Variants in NUP210L observed in about 807,000 individuals in gnomAD.
The protein encoded by NUP210L is nucleoporin 210 like, also known as nuclear pore membrane glycoprotein 210-like.
In NUP210L, 74 loss-of-function variants were observed where a neutral mutation model predicts 208.5. The observed-to-expected ratio is 0.35, with a 90% CI of 0.29 to 0.43. The LOEUF (loss-of-function observed/expected upper bound fraction) is 0.43, where lower values mean the gene tolerates loss of function less well. NUP210L is among the 20% of genes least tolerant of loss of function. The probability of loss-of-function intolerance (pLI) is 1.00; values close to 1 mark genes in which losing one functional copy is unlikely to be tolerated. For synonymous variants in NUP210L, 780 were observed against 816.9 expected (o/e 0.95, Z 0.77); for missense variants, 1,843 against 2,289.4 (o/e 0.81, Z 3.98).
At chr1:154,026,138 G>C (rs1651865340) in intron 29 of NUP210L, among the ~76,000 whole-genome samples, 1 of 151,954 alleles carries the variant, frequency 6.6e-6, no homozygotes, top group African/African-American at 2.4e-5. Flanking sequence ...GGGAGGCTGA[G>C]GCAGGAGAAT....
intron 7 of NUP210L, among the ~76,000 whole-genome samples, chr1:154,132,588 A>G (rs1018794728): frequency 3.3e-5 from 5 of 152,202 alleles, no homozygotes; most frequent in Admixed American, 1.3e-4. Context: ...AAATAAACAG[A>G]CAAATACAAT....
At chr1:154,109,895 G>A (rs886750585) in intron 12 of NUP210L, among the ~76,000 whole-genome samples, 5 of 151,252 alleles carry the variant, frequency 3.3e-5, no homozygotes, top group Non-Finnish European at 5.9e-5. Context: ...GAGATACAGT[G>A]AAAGCAGTAC....
chr1:154,055,920 G>A (rs931543089), intron 23 of NUP210L, among the ~76,000 whole-genome samples: 14 of 151,984 alleles, frequency 9.2e-5, no homozygotes, highest in Admixed American at 2.0e-4. Flanking sequence ...CTGGGCTGGC[G>A]CAGTGTCTCA....
intron 4 of NUP210L, among the ~76,000 whole-genome samples, chr1:154,140,589 C>A (rs1016284689): frequency 1.3e-5 from 2 of 149,886 alleles, no homozygotes; most frequent in African/African-American, 2.4e-5. Flanking sequence ...ATCGCTTGAA[C>A]CCAGGAGGTG....
chr1:154,016,999 TG>T (rs1197855876), intron 33 of NUP210L, among the ~76,000 whole-genome samples: 1 of 150,760 alleles, frequency 6.6e-6, no homozygotes, highest in Non-Finnish European at 1.5e-5. Flanking sequence ...CAAAAAAGCC[TG>T]GGCGCAGTGG....
intron 25 of NUP210L, among the ~76,000 whole-genome samples, chr1:154,048,819 A>G (rs1653325344): frequency 6.6e-6 from 1 of 152,220 alleles, no homozygotes; most frequent in Non-Finnish European, 1.5e-5. Flanking sequence ...AAGTACATAC[A>G]GGAGTCCTTG....
At chr1:154,040,983 G>C (rs1237836772) in intron 27 of NUP210L, among the ~76,000 whole-genome samples, 1 of 151,800 alleles carries the variant, frequency 6.6e-6, no homozygotes, top group Non-Finnish European at 1.5e-5. Flanking sequence ...CTTTTTTTGA[G>C]AGACAGGGTC....
chr1:154,024,856 C>CTCCTCCGA (rs1342440558), intron 30 of NUP210L, among the ~76,000 whole-genome samples: 1 of 150,100 alleles, frequency 6.7e-6, no homozygotes, highest in East Asian at 2.0e-4. Context: ...TCATTCTACA[C>CTCCTCCGA]TCCTCCGATA....
chr1:154,097,913 T>C (rs1173779405), intron 14 of NUP210L, among the ~76,000 whole-genome samples: 1 of 152,230 alleles, frequency 6.6e-6, no homozygotes, highest in Non-Finnish European at 1.5e-5. Flanking sequence ...TGGTGGCACC[T>C]TTGCCCAAGT....
At chr1:154,033,315 C>T (rs1652360230) in intron 27 of NUP210L, among the ~76,000 whole-genome samples, 1 of 152,122 alleles carries the variant, frequency 6.6e-6, no homozygotes, top group African/African-American at 2.4e-5. Flanking sequence ...CTCAAGAAAT[C>T]TTTGCCCAGT....
rs368916703 is a variant in NUP210L at position 154,091,071 on chromosome 1, G to GTTGTTATTA, written c.2188-1478_2188-1477insTAATAACAA. 7.8e-5 allele frequency among the ~76,000 whole-genome samples: 11 copies of GTTGTTATTA among 140,818 alleles called. 1 individual carries two copies. Among genetic ancestry groups the GTTGTTATTA allele is most frequent in the Admixed American group, 2.2e-4 (3 of 13,734 alleles). 92.4% of individuals were successfully genotyped at this position (140,818 alleles called of 152,430 possible). Reference sequence around the variant, plus strand: ...TGACAGCATTATTATTATTATTGCTGTTATTATTATTATTATTATTATTAT... The same window carrying GTTGTTATTA: ...TGACAGCATTATTATTATTATTGCTGTTGTTATTATTATTATTATTATTATTATTATTAT... On this transcript the variant is annotated intron_variant, in intron 15 of 39. Transcript: ENST00000368559.
chr1:154,061,816 T>C (rs1247485722), intron 17 of NUP210L, 142 bp from the exon 18 acceptor site: 2 of 638,396 alleles, frequency 3.1e-6, no homozygotes, highest in African/African-American at 3.9e-5. Context: ...GGGAAATACA[T>C]AAGAAAAAAC....
exon 17 of NUP210L, chr1:154,070,275 T>C: frequency 6.3e-7 from 1 of 1,582,294 alleles, no homozygotes; most frequent in Non-Finnish European, 8.6e-7. Context: ...CACAATACCA[T>C]GTAACCGGGT....
At chr1:154,024,925 T>TG (rs1651776403) in intron 30 of NUP210L, among the ~76,000 whole-genome samples, 1 of 134,168 alleles carries the variant, frequency 7.5e-6, no homozygotes, top group Non-Finnish European at 1.6e-5. Flanking sequence ...CTGATCTGTT[T>TG]TTTTTTTTTT....
exon 23 of NUP210L, chr1:154,056,915 T>C (rs750568393): frequency 6.2e-7 from 1 of 1,609,602 alleles, no homozygotes; most frequent in Non-Finnish European, 8.5e-7. Context: ...AAGAATATAA[T>C]TTTCAGAGTA....
intron 16 of NUP210L, among the ~76,000 whole-genome samples, chr1:154,077,237 G>A (rs548688684): frequency 2.6e-5 from 4 of 152,040 alleles, no homozygotes; most frequent in South Asian, 4.2e-4. Context: ...TTAGCCAGGC[G>A]TGGTGGTGTG....
intron 22 of NUP210L, 35 bp from the exon 23 acceptor site, chr1:154,056,982 T>C: frequency 1.2e-6 from 2 of 1,600,422 alleles, no homozygotes; most frequent in Non-Finnish European, 8.5e-7. Context: ...GTGAGAAAGA[T>C]TTTTGTTTTG....
exon 10 of NUP210L, chr1:154,126,451 T>C (rs1657986476): frequency 3.1e-6 from 5 of 1,609,536 alleles, no homozygotes; most frequent in Non-Finnish European, 4.2e-6. Flanking sequence ...AAGTCGTATG[T>C]AATCCTGAGA....
chr1:154,010,241 T>C lies in NUP210L; in HGVS notation c.4781-120A>G, dbSNP rs538837786. 7.4e-4 allele frequency: 651 copies of C among 875,830 alleles called. 11 individuals are homozygous for C. In the South Asian group the frequency reaches 0.012, roughly 16 times the overall value. 54.3% of individuals were successfully genotyped at this position (875,830 alleles called of 1,614,324 possible). On this transcript the variant is annotated intron_variant, in intron 34 of 39. Transcript: ENST00000368559. ...AATAAGCAAGAAAGAGGGTCAGTTA[T>C]GGCTGGTTTGCCCACCTCTGCTTCA...
Sources: gnomAD v4.1 joint callset for allele counts (sites outside exome capture counted in the v4.1 genomes callset) on GRCh38, gnomAD v4.1.1 for gene constraint, MANE v1.5 for transcripts, NCBI Gene and HGNC (gene_info 2026-07-23, HGNC 2026-07-21) for gene names.